Variants in AGBL1 observed in about 807,000 individuals in gnomAD.
AGBL1 encodes the protein cytosolic carboxypeptidase 4.
AGBL1 carries 130 observed loss-of-function variants against 118.9 expected under a neutral mutation model. That is an observed-to-expected ratio of 1.09 (90% CI 0.95 to 1.26). The LOEUF is 1.26. AGBL1 is among the 50% of genes most tolerant of loss of function. The probability of loss-of-function intolerance (pLI) is 0.00; values close to 1 mark genes in which losing one functional copy is unlikely to be tolerated. For missense variants in AGBL1, 1,584 were observed against 1,298.1 expected (o/e 1.22, Z -3.38); for synonymous variants, 555 against 478.9 (o/e 1.16, Z -2.08).
At chr15:86,348,910 G>GA (rs1272759269) in intron 17 of AGBL1, among the ~76,000 whole-genome samples, 1 of 152,102 alleles carries the variant, frequency 6.6e-6, no homozygotes, top group East Asian at 1.9e-4. Context: ...TCATGTTGAG[G>GA]AAGAGGTCTC....
chr15:86,475,912 C>T (rs1319887008), intron 18 of AGBL1, among the ~76,000 whole-genome samples: 2 of 152,130 alleles, frequency 1.3e-5, no homozygotes, highest in African/African-American at 4.8e-5. Flanking sequence ...AGAGTGGGGG[C>T]CAATATTTAA....
chr15:86,251,473 C>T (rs2078814809), intron 7 of AGBL1, among the ~76,000 whole-genome samples: 3 of 152,166 alleles, frequency 2.0e-5, no homozygotes, highest in South Asian at 2.1e-4. Context: ...CTTGGAAAAC[C>T]AATGTCCTAA....
At chr15:86,940,059 CCTTTTTT>C (rs2080730415) in intron 23 of AGBL1, among the ~76,000 whole-genome samples, 2 of 104,816 alleles carry the variant, frequency 1.9e-5, no homozygotes, top group Non-Finnish European at 3.8e-5. Context: ...TTTTGGTAGT[CCTTTTTT>C]TTTTTTTTTT....
At chr15:86,179,520 A>G (rs539041785) in intron 5 of AGBL1, among the ~76,000 whole-genome samples, 8 of 152,174 alleles carry the variant, frequency 5.3e-5, no homozygotes, top group Admixed American at 2.0e-4. Context: ...CCATTTCCCA[A>G]TAAAAAGCGC....
Position 86,150,266 on chromosome 15 carries a change from A to G in AGBL1, c.263-4164A>G, listed in dbSNP as rs1009409853. Reference sequence around the variant, plus strand: ...TGCAAAAGCTAGCATAAGGCAAGAAATAACTAAGATCAGAGCAGAACTGAA... The same window carrying G: ...TGCAAAAGCTAGCATAAGGCAAGAAGTAACTAAGATCAGAGCAGAACTGAA... On this transcript the variant is annotated intron_variant, in intron 3 of 22. Coordinates refer to ENST00000614907, the MANE Select transcript of AGBL1 (RefSeq NM_001386094.1). Among the ~76,000 whole-genome samples, 4 of 152,230 alleles carry G rather than the reference A, an allele frequency of 2.6e-5. No individual in the cohort carries two copies. The East Asian group carries it at 7.7e-4, about 29-fold the overall frequency.
chr15:86,988,164 A>G, intron 24 of AGBL1: 2 of 1,542,986 alleles, frequency 1.3e-6, no homozygotes, highest in Non-Finnish European at 1.8e-6. Context: ...ATGTGACTAC[A>G]TTGGGACTGG....
intron 21 of AGBL1, among the ~76,000 whole-genome samples, chr15:86,669,587 A>G (rs987324007): frequency 2.0e-5 from 3 of 152,188 alleles, no homozygotes; most frequent in African/African-American, 7.2e-5. Context: ...AAGAAATGAA[A>G]ATAAATTTAA....
chr15:86,662,513 A>G (rs1333002948), intron 21 of AGBL1, among the ~76,000 whole-genome samples: 1 of 152,218 alleles, frequency 6.6e-6, no homozygotes, highest in African/African-American at 2.4e-5. Context: ...CTTAAAGTAG[A>G]GAGATCTTGC....
At chr15:86,366,140 G>T (rs1256981783) in intron 17 of AGBL1, among the ~76,000 whole-genome samples, 1 of 152,062 alleles carries the variant, frequency 6.6e-6, no homozygotes, top group Admixed American at 6.6e-5. Context: ...TTGTCACCAA[G>T]AAATTTATCT....
downstream of AGBL1, among the ~76,000 whole-genome samples, chr15:86,918,488 G>A (rs776644811): frequency 1.6e-4 from 25 of 151,554 alleles, no homozygotes; most frequent in Non-Finnish European, 2.1e-4. Context: ...AAATGGATCC[G>A]TATCATGCCG....
intron 22 of AGBL1, among the ~76,000 whole-genome samples, chr15:86,839,945 A>G (rs566777959): frequency 1.3e-5 from 2 of 152,350 alleles, no homozygotes; most frequent in African/African-American, 4.8e-5. Context: ...TTTTATGCAT[A>G]TCTACCTTTC....
chr15:87,021,155 A>G (rs1001127795), intron 24 of AGBL1, among the ~76,000 whole-genome samples: 1 of 152,152 alleles, frequency 6.6e-6, no homozygotes, highest in South Asian at 2.1e-4. Flanking sequence ...GAACAGACAC[A>G]TAGACCAGTG....
At chr15:87,006,825 G>A (rs2081509786) in intron 24 of AGBL1, among the ~76,000 whole-genome samples, 2 of 152,070 alleles carry the variant, frequency 1.3e-5, no homozygotes, top group Non-Finnish European at 2.9e-5. Flanking sequence ...GGAACCCCTT[G>A]GAGCCAAGAT....
At chr15:86,662,592 T>A (rs1014028731) in intron 21 of AGBL1, among the ~76,000 whole-genome samples, 2 of 152,230 alleles carry the variant, frequency 1.3e-5, no homozygotes, top group Non-Finnish European at 2.9e-5. Flanking sequence ...CATTGGCTGC[T>A]GCAATGATAG....
At position 86,785,369 on chromosome 15, in the gene AGBL1, T is replaced by G. The variant is rs999623904; in HGVS notation, c.3158+110933T>G. On this transcript the variant is annotated intron_variant, in intron 22 of 22. Transcript: ENST00000614907. ...CAGAGATCTGCGGGTTCTTTTTTTT[T>G]TTTTTTTTTGTTTTTGTTTTTTTGA... Among the ~76,000 whole-genome samples, 12 of 137,344 alleles carry G rather than the reference T, an allele frequency of 8.7e-5. No homozygotes were observed. The East Asian group carries it at 1.1e-3, about 13-fold the overall frequency. The allele number at this position is 137,344 out of a possible 152,430, so 90.1% of individuals were successfully genotyped here.
intron 18 of AGBL1, among the ~76,000 whole-genome samples, chr15:86,452,068 C>G (rs1388523851): frequency 6.6e-6 from 1 of 152,052 alleles, no homozygotes; most frequent in Non-Finnish European, 1.5e-5. Context: ...CTTATGCCAG[C>G]CACAGTAGCT....
chr15:86,404,281 C>A (rs1212227819), intron 18 of AGBL1, among the ~76,000 whole-genome samples: 9 of 152,190 alleles, frequency 5.9e-5, no homozygotes, highest in Non-Finnish European at 8.8e-5. Flanking sequence ...GACACTCTAC[C>A]TTGACTTTCC....
chr15:86,687,628 A>G (rs967506348), intron 22 of AGBL1, among the ~76,000 whole-genome samples: 4 of 152,218 alleles, frequency 2.6e-5, no homozygotes, highest in Non-Finnish European at 5.9e-5. Context: ...GCTTCAAAGC[A>G]GAAGTATGAG....
intron 22 of AGBL1, among the ~76,000 whole-genome samples, chr15:86,679,174 A>C (rs544878734): frequency 6.6e-6 from 1 of 152,020 alleles, no homozygotes; most frequent in Non-Finnish European, 1.5e-5. Context: ...TGGTCTATTG[A>C]GTGCTCGTCT....
Sources: gnomAD v4.1 joint callset for allele counts (sites outside exome capture counted in the v4.1 genomes callset) on GRCh38, gnomAD v4.1.1 for gene constraint, MANE v1.5 for transcripts, NCBI Gene and HGNC (gene_info 2026-07-23, HGNC 2026-07-21) for gene names.